Variants in ODAD2 observed in about 807,000 individuals in gnomAD.
The protein encoded by ODAD2 is outer dynein arm-docking complex subunit 2.
ODAD2 carries 89 observed loss-of-function variants against 106.8 expected under a neutral mutation model. The ratio of observed to expected loss-of-function variants is 0.83; its 90% confidence interval spans 0.70 to 0.99. ODAD2 has a LOEUF of 0.99. ODAD2 is among the 50% of genes least tolerant of loss of function. The pLI is 0.00. For missense variants in ODAD2, 1,168 were observed against 1,238.5 expected, an observed-to-expected ratio of 0.94 and a Z score of 0.85; for synonymous variants, 404 against 436.2, an observed-to-expected ratio of 0.93 and a Z score of 0.92.
At chr10:27,921,553 T>G (rs1844779877) in intron 16 of ODAD2, among the ~76,000 whole-genome samples, 1 of 151,986 alleles carries the variant, frequency 6.6e-6, no homozygotes, top group Non-Finnish European at 1.5e-5. Flanking sequence ...TCTTGGAGTT[T>G]GCTGGGATTC....
At chr10:27,822,206 A>G (rs1836667661) in intron 19 of ODAD2, among the ~76,000 whole-genome samples, 1 of 152,258 alleles carries the variant, frequency 6.6e-6, no homozygotes, top group South Asian at 2.1e-4. Context: ...TTGGGTCTGC[A>G]TTCAATTTTT....
At chr10:27,974,153 T>C (rs1399863686) in intron 7 of ODAD2, among the ~76,000 whole-genome samples, 1 of 152,172 alleles carries the variant, frequency 6.6e-6, no homozygotes, top group Non-Finnish European at 1.5e-5. Context: ...TGAAAATCCA[T>C]TCTTTATGGA....
At chr10:27,854,649 G>A (rs930766631) in intron 19 of ODAD2, among the ~76,000 whole-genome samples, 3 of 151,986 alleles carry the variant, frequency 2.0e-5, no homozygotes, top group African/African-American at 7.2e-5. Flanking sequence ...CCAGCTACTC[G>A]GGAGGCTGAG....
rs1845841862 is a variant in ODAD2, at chr10:27,934,696, A to T, written c.2495+314T>A. 2.0e-5 allele frequency among the ~76,000 whole-genome samples: 3 copies of T among 152,244 alleles called. No individual in the cohort carries two copies. In the South Asian group the frequency reaches 6.2e-4, roughly 32 times the overall value. ...TGTACCTGACACTCTCTAGGAGCCT[A>T]GTTAGATAGATGTATAATACTTCCC... On this transcript the variant is annotated intron_variant, in intron 16 of 19. Transcript: ENST00000305242.
intron 16 of ODAD2, among the ~76,000 whole-genome samples, chr10:27,909,817 GA>G (rs35449629): frequency 5.1e-3 from 288 of 56,342 alleles, no homozygotes; most frequent in African/African-American, 0.015. Context: ...GTCTTCATTT[GA>G]AAAAAAAAAA....
chr10:27,851,990 T>A (rs1023208860), intron 19 of ODAD2, among the ~76,000 whole-genome samples: 6 of 152,196 alleles, frequency 3.9e-5, no homozygotes, highest in Admixed American at 3.9e-4. Context: ...ATTTCCTCTC[T>A]AAAACAATGC....
intron 8 of ODAD2, among the ~76,000 whole-genome samples, chr10:27,969,381 G>C (rs564544419): frequency 4.6e-5 from 7 of 152,386 alleles, no homozygotes; most frequent in African/African-American, 1.7e-4. Context: ...CCTGCACCTG[G>C]TTTTCCAGGT....
chr10:27,858,323 G>A (rs1462920964), intron 19 of ODAD2, among the ~76,000 whole-genome samples: 2 of 152,174 alleles, frequency 1.3e-5, no homozygotes, highest in Non-Finnish European at 2.9e-5. Flanking sequence ...GAGGTCGAGA[G>A]AGACAATCTC....
At chr10:27,848,782 C>G (rs28776270) in intron 19 of ODAD2, among the ~76,000 whole-genome samples, 6,811 of 152,230 alleles carry the variant, frequency 0.045, 497 homozygotes, top group African/African-American at 0.15. Flanking sequence ...ATTTATGAAG[C>G]CAATAGACAC....
intron 17 of ODAD2, among the ~76,000 whole-genome samples, chr10:27,862,975 A>C (rs1204449650): frequency 6.6e-6 from 1 of 152,216 alleles, no homozygotes; most frequent in Admixed American, 6.5e-5. Context: ...AGTAATTGCA[A>C]ACACTGAATC....
chr10:27,915,901 C>CAT (rs2133922248), intron 16 of ODAD2, among the ~76,000 whole-genome samples: 2 of 152,180 alleles, frequency 1.3e-5, no homozygotes, highest in South Asian at 4.1e-4. Context: ...CACATTTGTT[C>CAT]ATATATATGG....
intron 16 of ODAD2, among the ~76,000 whole-genome samples, chr10:27,918,175 A>G: frequency 6.6e-6 from 1 of 151,974 alleles, no homozygotes; most frequent in East Asian, 1.9e-4. Flanking sequence ...CTTGTCCTAT[A>G]GGGCCTGCAT....
chr10:27,827,972 G>A (rs1173734595), intron 19 of ODAD2, among the ~76,000 whole-genome samples: 5 of 152,188 alleles, frequency 3.3e-5, no homozygotes, highest in Admixed American at 3.3e-4. Context: ...AGGAGATGCA[G>A]AGGAGATAAG....
intron 19 of ODAD2, among the ~76,000 whole-genome samples, chr10:27,842,563 T>A (rs546395987): frequency 2.0e-5 from 3 of 152,240 alleles, no homozygotes; most frequent in African/African-American, 7.2e-5. Context: ...TTTGAAAGAT[T>A]AATTTATTAA....
intron 17 of ODAD2, among the ~76,000 whole-genome samples, chr10:27,887,579 C>T (rs538183053): frequency 2.0e-5 from 3 of 151,828 alleles, no homozygotes; most frequent in South Asian, 2.1e-4. Flanking sequence ...TATATGAAGC[C>T]GCAAAACAAG....
At chr10:27,876,671 G>T (rs1362796943) in intron 17 of ODAD2, among the ~76,000 whole-genome samples, 3 of 152,184 alleles carry the variant, frequency 2.0e-5, no homozygotes, top group Non-Finnish European at 2.9e-5. Flanking sequence ...TCCTCTGGGA[G>T]TCCTCCTACT....
At chr10:27,913,404 T>G (rs553731413) in intron 16 of ODAD2, among the ~76,000 whole-genome samples, 1 of 152,262 alleles carries the variant, frequency 6.6e-6, no homozygotes, top group African/African-American at 2.4e-5. Context: ...ATCCCTGCAT[T>G]AATTTGCTTA....
chr10:27,843,019 A>G (rs996819994), intron 19 of ODAD2, among the ~76,000 whole-genome samples: 1 of 152,164 alleles, frequency 6.6e-6, no homozygotes, highest in African/African-American at 2.4e-5. Context: ...ATCCTTCATA[A>G]ATTTCTCAAG....
chr10:27,835,925 CA>C (rs34844763), intron 19 of ODAD2: 45,957 of 129,458 alleles, frequency 0.35, 7,701 homozygotes, highest in Non-Finnish European at 0.43. Context: ...AAAATCCCAT[CA>C]AAAAAAAAAA....
Sources: gnomAD v4.1 joint callset for allele counts (sites outside exome capture counted in the v4.1 genomes callset) on GRCh38, gnomAD v4.1.1 for gene constraint, MANE v1.5 for transcripts, NCBI Gene and HGNC (gene_info 2026-07-23, HGNC 2026-07-21) for gene names.